Variants in NRXN3 observed in about 807,000 individuals in gnomAD.
NRXN3 encodes neurexin III.
In NRXN3, 32 loss-of-function variants were observed where a neutral mutation model predicts 137.6. The ratio of observed to expected loss-of-function variants is 0.23; its 90% CI spans 0.18 to 0.31. NRXN3 has a LOEUF of 0.31. NRXN3 is among the 10% of genes least tolerant of loss of function. NRXN3 has a pLI of 1.00. For missense variants in NRXN3, 1,574 were observed against 2,062.5 expected (o/e 0.76, Z 4.59); for synonymous variants, 798 against 784.5 (o/e 1.02, Z -0.29).
At chr14:79,586,111 C>T (rs1206061330) in intron 16 of NRXN3, among the ~76,000 whole-genome samples, 1 of 152,196 alleles carries the variant, frequency 6.6e-6, no homozygotes, top group Non-Finnish European at 1.5e-5. Flanking sequence ...ATGCCAAATA[C>T]TTGGCATTCT....
intron 4 of NRXN3, among the ~76,000 whole-genome samples, chr14:78,618,511 A>G (rs1023070296): frequency 3.3e-5 from 5 of 152,170 alleles, no homozygotes; most frequent in African/African-American, 7.2e-5. Flanking sequence ...CCAGCTTTGA[A>G]ATTACATGCA....
chr14:79,284,853 C>G (rs1022606376), intron 15 of NRXN3, among the ~76,000 whole-genome samples: 17 of 152,108 alleles, frequency 1.1e-4, no homozygotes, highest in African/African-American at 4.1e-4. Context: ...TTCTTTATGC[C>G]TGCCTTCTTG....
intron 4 of NRXN3, among the ~76,000 whole-genome samples, chr14:78,369,474 G>C (rs73310817): frequency 0.031 from 4,650 of 152,164 alleles, 171 homozygotes; most frequent in African/African-American, 0.093. Context: ...TCTCTTGGAT[G>C]TGCTGCTTTG....
chr14:79,149,998 G>A (rs894699654), intron 15 of NRXN3, among the ~76,000 whole-genome samples: 8 of 151,974 alleles, frequency 5.3e-5, no homozygotes, highest in East Asian at 3.9e-4. Context: ...CACATGTACC[G>A]TGGAACTTAA....
chr14:78,822,693 C>T (rs1458701989), intron 10 of NRXN3, among the ~76,000 whole-genome samples: 1 of 145,942 alleles, frequency 6.9e-6, no homozygotes, highest in Non-Finnish European at 1.5e-5. Context: ...AAACAAACAA[C>T]CAACAACAAA....
In NRXN3 at chr14:78,271,476, T is replaced by TAA. The variant is rs11385086; in HGVS notation, c.710-7155_710-7154dup. Among the ~76,000 whole-genome samples the TAA allele has an allele frequency of 6.5e-3, 676 of 104,328 alleles. 10 individuals carry two copies. The highest frequency in any genetic ancestry group is 0.019 in the African/African-American group (619 of 32,500). 68.4% of individuals were successfully genotyped at this position (104,328 alleles called of 152,430 possible). On this transcript the variant is annotated intron_variant, in intron 2 of 20. Coordinates refer to ENST00000335750, the MANE Select transcript of NRXN3 (RefSeq NM_001330195.2). Reference sequence around the variant, plus strand: ...CTGTTCTCAAAACTTCTAAAGCATTTAAAAAAAAAAAAAAACAAAAGGGCT... The same window carrying TAA: ...CTGTTCTCAAAACTTCTAAAGCATTTAAAAAAAAAAAAAAAAACAAAAGGGCT...
chr14:78,980,064 A>T (rs990408057), intron 14 of NRXN3, among the ~76,000 whole-genome samples: 2 of 152,246 alleles, frequency 1.3e-5, no homozygotes, highest in South Asian at 4.1e-4. Flanking sequence ...CCTTTGGTTA[A>T]CACGGAATTC....
At chr14:79,407,028 C>T (rs977690386) in intron 15 of NRXN3, among the ~76,000 whole-genome samples, 4 of 152,096 alleles carry the variant, frequency 2.6e-5, no homozygotes, top group South Asian at 2.1e-4. Context: ...TGAATGTAGA[C>T]GATCAGGGAT....
At chr14:79,408,957 T>C (rs4899744) in intron 15 of NRXN3, among the ~76,000 whole-genome samples, 104,973 of 151,764 alleles carry the variant, frequency 0.69, 36,702 homozygotes, top group Middle Eastern at 0.84. Flanking sequence ...TTAAAAGCAC[T>C]CCTACTGGCC....
intron 4 of NRXN3, among the ~76,000 whole-genome samples, chr14:78,502,419 ATC>A (rs1247950515): frequency 6.6e-6 from 1 of 152,150 alleles, no homozygotes; most frequent in Non-Finnish European, 1.5e-5. Context: ...TCCATCACTT[ATC>A]TTCAGGCTGG....
intron 16 of NRXN3, among the ~76,000 whole-genome samples, chr14:79,544,070 C>T (rs771277758): frequency 1.3e-5 from 2 of 152,058 alleles, no homozygotes; most frequent in Admixed American, 6.6e-5. Flanking sequence ...AAAATAAATA[C>T]AAAATTTAGG....
At position 79,381,316 on chromosome 14, in the gene NRXN3, G is replaced by A. The variant is rs576896586; in HGVS notation, c.3263-85905G>A. Among the ~76,000 whole-genome samples, 10 of 149,428 alleles carry A rather than the reference G, an allele frequency of 6.7e-5. 1 individual carries two copies. The South Asian group carries it at 2.1e-3, about 32-fold the overall frequency. On this transcript the variant is annotated intron_variant, in intron 15 of 20. Transcript: ENST00000335750. ...TATATAGTGTTTCTCAAATTTATTT[G>A]CACATGAAATGCCTGTGGGACATAA...
intron 15 of NRXN3, among the ~76,000 whole-genome samples, chr14:79,444,107 T>A (rs1056501103): frequency 6.6e-6 from 1 of 152,186 alleles, no homozygotes; most frequent in Admixed American, 6.5e-5. Flanking sequence ...CATGAAGTAG[T>A]GGGACCTGAA....
intron 15 of NRXN3, among the ~76,000 whole-genome samples, chr14:79,074,343 A>G (rs1241423365): frequency 6.6e-6 from 1 of 152,230 alleles, no homozygotes; most frequent in Non-Finnish European, 1.5e-5. Flanking sequence ...TCTCTATATG[A>G]AAGGTATTAT....
At chr14:79,658,383 C>T (rs1029784087) in intron 16 of NRXN3, among the ~76,000 whole-genome samples, 3 of 152,148 alleles carry the variant, frequency 2.0e-5, no homozygotes, top group African/African-American at 4.8e-5. Context: ...TCTGCATGTC[C>T]GTAGCAAGTT....
intron 20 of NRXN3, among the ~76,000 whole-genome samples, chr14:79,842,242 G>A (rs2099357427): frequency 6.6e-6 from 1 of 152,202 alleles, no homozygotes; most frequent in Non-Finnish European, 1.5e-5. Flanking sequence ...ATGGGCAAAA[G>A]TCAGCTAATA....
At chr14:79,104,142 C>G (rs372459861) in intron 15 of NRXN3, among the ~76,000 whole-genome samples, 3 of 152,152 alleles carry the variant, frequency 2.0e-5, no homozygotes, top group African/African-American at 7.2e-5. Flanking sequence ...AAACAAGTTT[C>G]CCTGTTCCTT....
intron 8 of NRXN3, among the ~76,000 whole-genome samples, chr14:78,766,815 T>C (rs1391374653): frequency 2.0e-5 from 3 of 152,166 alleles, no homozygotes; most frequent in Middle Eastern, 3.2e-3. Flanking sequence ...ATTAATTATA[T>C]TGGGCAGAAT....
intron 10 of NRXN3, among the ~76,000 whole-genome samples, chr14:78,905,618 T>G (rs1263587269): frequency 6.6e-6 from 1 of 152,086 alleles, no homozygotes; most frequent in African/African-American, 2.4e-5. Flanking sequence ...TTTCATTTTC[T>G]TTCCCAGCAC....
Sources: allele counts gnomAD v4.1 joint callset (sites outside exome capture counted in the v4.1 genomes callset), GRCh38; gene constraint gnomAD v4.1.1; transcripts MANE v1.5; gene names NCBI Gene and HGNC (gene_info 2026-07-23, HGNC 2026-07-21).